SLC24A3: variants seen among roughly 807,000 people sequenced by gnomAD.
SLC24A3 encodes the protein solute carrier family 24 member 3, also known as sodium/potassium/calcium exchanger 3.
Under a neutral mutation model 75.8 loss-of-function variants are expected in SLC24A3, and 28 were observed. The observed-to-expected ratio is 0.37, with a 90% CI of 0.27 to 0.51. The LOEUF is 0.51. Among genes scored for constraint, SLC24A3 ranks in the 20% least tolerant of loss-of-function variants. The probability of loss-of-function intolerance (pLI) is 0.94; values close to 1 mark genes in which losing one functional copy is unlikely to be tolerated. For synonymous variants in SLC24A3, 372 were observed against 334.1 expected, an observed-to-expected ratio of 1.11 and a Z score of -1.24; for missense variants, 663 against 847.8, an observed-to-expected ratio of 0.78 and a Z score of 2.71.
chr20:19,513,129 G>T (rs991701030), intron 2 of SLC24A3, among the ~76,000 whole-genome samples: 33 of 152,280 alleles, frequency 2.2e-4, no homozygotes, highest in African/African-American at 7.2e-4. Flanking sequence ...AAAGCCTATT[G>T]CTTCTCCTCC....
At chr20:19,287,126 A>G (rs942094920) in intron 2 of SLC24A3, among the ~76,000 whole-genome samples, 5 of 152,392 alleles carry the variant, frequency 3.3e-5, no homozygotes, top group Admixed American at 1.3e-4. Flanking sequence ...GTGTTAACAC[A>G]AGAGAAGTTT....
At chr20:19,691,108 G>A (rs1196128760) in intron 12 of SLC24A3, among the ~76,000 whole-genome samples, 1 of 152,186 alleles carries the variant, frequency 6.6e-6, no homozygotes, top group South Asian at 2.1e-4. Context: ...TAATTTGAGG[G>A]AGACTGAAAA....
intron 2 of SLC24A3, among the ~76,000 whole-genome samples, chr20:19,327,530 C>T (rs1984892844): frequency 6.6e-6 from 1 of 152,212 alleles, no homozygotes; most frequent in South Asian, 2.1e-4. Context: ...ACCCTTCTGA[C>T]AAGGGTTGTA....
intron 6 of SLC24A3, among the ~76,000 whole-genome samples, chr20:19,610,341 G>A (rs1020790959): frequency 5.9e-5 from 9 of 152,188 alleles, no homozygotes; most frequent in East Asian, 3.9e-4. Flanking sequence ...AAATAAACCC[G>A]AGAGATGAGG....
At chr20:19,450,559 C>G (rs1987463357) in intron 2 of SLC24A3, among the ~76,000 whole-genome samples, 1 of 152,154 alleles carries the variant, frequency 6.6e-6, no homozygotes, top group South Asian at 2.1e-4. Flanking sequence ...TCACAATATG[C>G]TAATTTCTTG....
chr20:19,390,369 T>C (rs1285551941), intron 2 of SLC24A3, among the ~76,000 whole-genome samples: 1 of 152,206 alleles, frequency 6.6e-6, no homozygotes, highest in African/African-American at 2.4e-5. Flanking sequence ...CAATGGACCA[T>C]CTGGTGTGGT....
At chr20:19,551,846 G>A (rs567489136) in intron 3 of SLC24A3, among the ~76,000 whole-genome samples, 1 of 152,232 alleles carries the variant, frequency 6.6e-6, no homozygotes, top group African/African-American at 2.4e-5. Flanking sequence ...GGAGGACCAG[G>A]CAGGCTGCTC....
chr20:19,710,874 A>C (rs1012515704), intron 15 of SLC24A3, among the ~76,000 whole-genome samples: 1 of 152,270 alleles, frequency 6.6e-6, no homozygotes, highest in Admixed American at 6.5e-5. Context: ...ATTTTACTCT[A>C]TGCAAATTAT....
Position 19,698,687 on chromosome 20 carries a change from G to T in SLC24A3, c.1719+7G>T. 1 of 1,563,634 alleles carries T rather than the reference G, an allele frequency of 6.4e-7. No individual in the cohort carries two copies. The stretch of plus-strand genomic sequence containing the variant: ...TGTGGATTACGGATCCTACGTAAGT[G>T]GTTTTCTCCAGGACTTCTCCTGAAA... On this transcript the variant is annotated splice_region_variant and intron_variant, in intron 15 of 16. Transcript: ENST00000328041.
chr20:19,244,822 A>G (rs959090756), intron 1 of SLC24A3, among the ~76,000 whole-genome samples: 1 of 152,238 alleles, frequency 6.6e-6, no homozygotes, highest in African/African-American at 2.4e-5. Flanking sequence ...AGCTGAACTT[A>G]GAAGCAGGTG....
intron 9 of SLC24A3, among the ~76,000 whole-genome samples, chr20:19,680,086 ATGTGTCTGTGTGTGCGAGTGTGTGTC>A: frequency 7.1e-6 from 1 of 139,876 alleles, no homozygotes; most frequent in East Asian, 2.1e-4. Flanking sequence ...GTGTGTCTGT[ATGTGTCTGTGTGTGCGAGTGTGTGTC>A]TGTGTCTGTG....
chr20:19,321,899 T>A (rs777011698), intron 2 of SLC24A3, among the ~76,000 whole-genome samples: 30 of 152,232 alleles, frequency 2.0e-4, no homozygotes, highest in Non-Finnish European at 3.7e-4. Context: ...TGCCATTTTC[T>A]TTTTCTTCCA....
intron 3 of SLC24A3, among the ~76,000 whole-genome samples, chr20:19,551,601 T>A (rs987503910): frequency 2.7e-5 from 4 of 150,432 alleles, no homozygotes; most frequent in Non-Finnish European, 4.4e-5. Context: ...TTTTTCCTCA[T>A]GTGCGGTTTC....
chr20:19,720,947 C>T, intron 16 of SLC24A3, 44 bp from the exon 17 acceptor site: 1 of 1,606,822 alleles, frequency 6.2e-7, no homozygotes, highest in Non-Finnish European at 8.5e-7. Context: ...CCAAAGGCTG[C>T]TGCCTCCTCC....
chr20:19,310,031 A>G (rs1194294669), intron 2 of SLC24A3, among the ~76,000 whole-genome samples: 1 of 152,192 alleles, frequency 6.6e-6, no homozygotes, highest in Non-Finnish European at 1.5e-5. Context: ...AATGGGCCTG[A>G]GCAGAGCCGG....
intron 3 of SLC24A3, among the ~76,000 whole-genome samples, chr20:19,518,539 A>G (rs1173960640): frequency 6.6e-6 from 1 of 152,222 alleles, no homozygotes; most frequent in Non-Finnish European, 1.5e-5. Context: ...TCCACACAGG[A>G]ATGGGAAGCC....
chr20:19,363,067 C>T (rs2122343840), intron 2 of SLC24A3, among the ~76,000 whole-genome samples: 1 of 152,318 alleles, frequency 6.6e-6, no homozygotes, highest in African/African-American at 2.4e-5. Context: ...CAGGTGTTTT[C>T]CTGGCCTGTG....
At chr20:19,678,459 G>A (rs1311300815) in intron 9 of SLC24A3, among the ~76,000 whole-genome samples, 4 of 135,090 alleles carry the variant, frequency 3.0e-5, no homozygotes, top group South Asian at 2.3e-4. Context: ...CTGGCCGGGC[G>A]GGGGGCTGAC....
At chr20:19,254,365 G>A (rs1350517439) in intron 1 of SLC24A3, among the ~76,000 whole-genome samples, 4 of 152,126 alleles carry the variant, frequency 2.6e-5, no homozygotes, top group African/African-American at 7.2e-5. Context: ...GCCTCCCCAC[G>A]CTCACTACAT....
Sources: allele counts gnomAD v4.1 joint callset (sites outside exome capture counted in the v4.1 genomes callset), GRCh38; gene constraint gnomAD v4.1.1; transcripts MANE v1.5; gene names NCBI Gene and HGNC (gene_info 2026-07-23, HGNC 2026-07-21).